The following LMBR1 variants were observed in gnomAD, a reference collection of about 807,000 sequenced individuals.
LMBR1 encodes limb development membrane protein 1, also known as limb region 1 protein homolog.
A neutral mutation model predicts 73.9 loss-of-function variants in LMBR1; 52 were observed. The ratio of observed to expected loss-of-function variants is 0.70; its 90% CI spans 0.56 to 0.89. LMBR1 has a LOEUF of 0.89. Among genes scored for constraint, LMBR1 ranks in the 40% least tolerant of loss-of-function variants. The pLI is 0.00. For missense variants in LMBR1, 539 were observed against 579.8 expected (o/e 0.93, Z 0.72); for synonymous variants, 215 against 209.4 (o/e 1.03, Z -0.23).
intron 1 of LMBR1, among the ~76,000 whole-genome samples, chr7:156,870,089 G>A (rs1799049180): frequency 6.6e-6 from 1 of 152,004 alleles, no homozygotes; most frequent in Admixed American, 6.6e-5. Flanking sequence ...AGAACTAAAG[G>A]GAGAAATAAA....
At chr7:156,763,531 TTTC>T in intron 6 of LMBR1, 135 bp downstream of exon 6, 2 of 658,568 alleles carry the variant, frequency 3.0e-6, no homozygotes, top group Middle Eastern at 6.4e-4. Context: ...TATCTAAAGA[TTTC>T]TTAATTCTGT....
At chr7:156,731,819 G>C (rs1302324600) in intron 10 of LMBR1, among the ~76,000 whole-genome samples, 1 of 151,854 alleles carries the variant, frequency 6.6e-6, no homozygotes, top group South Asian at 2.1e-4. Flanking sequence ...CTCATGCCCA[G>C]CAGGAATGCA....
intron 1 of LMBR1, among the ~76,000 whole-genome samples, chr7:156,875,876 C>A (rs1239215263): frequency 6.7e-6 from 1 of 149,398 alleles, no homozygotes; most frequent in Admixed American, 6.8e-5. Flanking sequence ...AAGCATAATT[C>A]TCACAGGGCA....
At chr7:156,775,104 A>T (rs1423766633) in intron 5 of LMBR1, among the ~76,000 whole-genome samples, 1 of 152,182 alleles carries the variant, frequency 6.6e-6, no homozygotes, top group Non-Finnish European at 1.5e-5. Flanking sequence ...ACGGTGGCTC[A>T]CGCCTGTAAT....
chr7:156,853,566 A>T (rs1796538276), intron 1 of LMBR1, among the ~76,000 whole-genome samples: 2 of 152,246 alleles, frequency 1.3e-5, no homozygotes, highest in African/African-American at 4.8e-5. Context: ...TCTGGATTAA[A>T]TCTATGCAGA....
At position 156,683,979 on chromosome 7, in the gene LMBR1, G is replaced by C; in HGVS notation, c.*99C>G. 1 of 954,112 alleles carries C rather than the reference G, an allele frequency of 1.0e-6. No homozygotes were observed. The highest frequency in any genetic ancestry group is 2.4e-5 in the East Asian group (1 of 41,664). 59.1% of individuals were successfully genotyped at this position (954,112 alleles called of 1,614,324 possible). On this transcript the variant is annotated 3_prime_UTR_variant, in exon 17 of 17. Transcript: ENST00000353442. The stretch of plus-strand genomic sequence containing the variant: ...CACTGATAGGTCTAGGTTCTGAAGA[G>C]GGGCCACGGTTGAATGGAAATGCTT...
At position 156,681,427 on chromosome 7, in the gene LMBR1, C is replaced by T. The variant is rs1439044062; in HGVS notation, c.*2651G>A. 1.2e-5 allele frequency: 2 copies of T among 165,942 alleles called. No individual in the cohort carries two copies. The highest frequency in any genetic ancestry group is 2.4e-5 in the African/African-American group (1 of 41,634). The allele number at this position is 165,942 out of a possible 1,614,324, so 10.3% of individuals were successfully genotyped here. On this transcript the variant is annotated 3_prime_UTR_variant, in exon 17 of 17. Transcript: ENST00000353442. ...CCTCATATTTAGAGGTCTATTTTTACAGAGAATGTACATAAAGCTACGTAA... is the reference window on the plus strand; with the variant it reads ...CCTCATATTTAGAGGTCTATTTTTATAGAGAATGTACATAAAGCTACGTAA...
intron 15 of LMBR1, among the ~76,000 whole-genome samples, chr7:156,700,710 C>G (rs1809489276): frequency 6.6e-6 from 1 of 152,126 alleles, no homozygotes; most frequent in Non-Finnish European, 1.5e-5. Context: ...CCATATTTTC[C>G]TTTCTTCTTC....
intron 1 of LMBR1, among the ~76,000 whole-genome samples, chr7:156,891,476 T>C (rs1293296343): frequency 6.6e-6 from 1 of 151,788 alleles, no homozygotes; most frequent in Non-Finnish European, 1.5e-5. Context: ...AAGATTCCAT[T>C]TACATAAAGT....
chr7:156,775,304 G>T (rs1585711666), intron 5 of LMBR1, among the ~76,000 whole-genome samples: 1 of 152,134 alleles, frequency 6.6e-6, no homozygotes, highest in African/African-American at 2.4e-5. Flanking sequence ...GGAGGAGGAG[G>T]TTGCAGTGAG....
At chr7:156,890,901 T>G (rs1413981945) in intron 1 of LMBR1, among the ~76,000 whole-genome samples, 1 of 152,006 alleles carries the variant, frequency 6.6e-6, no homozygotes, top group African/African-American at 2.4e-5. Context: ...TACAAAAAGT[T>G]CATAGCCAGC....
At chr7:156,674,160 A>G (rs1189765859), downstream of LMBR1, among the ~76,000 whole-genome samples, 1 of 152,202 alleles carries the variant, frequency 6.6e-6, no homozygotes, top group African/African-American at 2.4e-5. Flanking sequence ...TGAAAGCCAG[A>G]GCTTCGGTCT....
rs1238793102 is a variant in LMBR1, at chr7:156,892,839, A to G, written c.66+89T>C. 2.1e-4 allele frequency: 172 copies of G among 814,054 alleles called. No individual in the cohort carries two copies. In the African/African-American group the frequency reaches 5.2e-3, roughly 24 times the overall value. The allele number at this position is 814,054 out of a possible 1,614,324, so 50.4% of individuals were successfully genotyped here. Reference sequence around the variant, plus strand: ...AGGCGCGAGGCGAGGCCCGGAGGTGAGGGGTCCGGGGACCGGGGGCCCGGG... The same window carrying G: ...AGGCGCGAGGCGAGGCCCGGAGGTGGGGGGTCCGGGGACCGGGGGCCCGGG... On this transcript the variant is annotated intron_variant, in intron 1 of 16. Transcript: ENST00000353442.
Position 156,685,351 on chromosome 7 carries a change from G to A in LMBR1, c.1388-1188C>T, listed in dbSNP as rs1805778132. Among the ~76,000 whole-genome samples the A allele has an allele frequency of 1.3e-5, 2 of 152,210 alleles. No homozygotes were observed. Among genetic ancestry groups the A allele is most frequent in the South Asian group, 4.1e-4 (2 of 4,832 alleles). On this transcript the variant is annotated intron_variant, in intron 16 of 16. Transcript: ENST00000353442. This position sits in a 1 kb window ranked among gnomAD's most constrained non-coding sequence, Gnocchi z 4.1. ...ACAATGACATACAGCAACACAGTCA[G>A]GTGTTGCCGAACAACAGGAATGCAT...
intron 15 of LMBR1, among the ~76,000 whole-genome samples, chr7:156,695,713 T>C (rs900488563): frequency 9.9e-5 from 15 of 152,142 alleles, no homozygotes; most frequent in African/African-American, 3.6e-4. Context: ...ACATGAGATC[T>C]GGGTGAGGAC....
chr7:156,682,619 G>A lies in LMBR1; in HGVS notation c.*1459C>T, dbSNP rs1585167848. Reference sequence around the variant, plus strand: ...GAAGGAAATGCAGACGTATAAATAAGGGGGAAGTGTACTCAACAAAGGTTG... The same window carrying A: ...GAAGGAAATGCAGACGTATAAATAAAGGGGAAGTGTACTCAACAAAGGTTG... On this transcript the variant is annotated 3_prime_UTR_variant, in exon 17 of 17. Transcript: ENST00000353442. 1 of 152,180 alleles carries A rather than the reference G, an allele frequency of 6.6e-6. No individual in the cohort carries two copies. Among genetic ancestry groups the A allele is most frequent in the Non-Finnish European group, 1.5e-5 (1 of 68,020 alleles). The allele number at this position is 152,180 out of a possible 1,614,324, so 9.4% of individuals were successfully genotyped here.
Position 156,670,126 on chromosome 7 carries a change from C to T in LMBR1, n.867-839G>A, listed in dbSNP as rs1236206985. Among the ~76,000 whole-genome samples the T allele has an allele frequency of 2.6e-5, 4 of 152,130 alleles. No individual in the cohort carries two copies. The highest frequency in any genetic ancestry group is 6.5e-5 in the Admixed American group (1 of 15,284). ...ACAGTGCATCTTTACACCAGAATGTCAGTTTTAAGTGCAAATATTAGAGCA... is the reference window on the plus strand; with the variant it reads ...ACAGTGCATCTTTACACCAGAATGTTAGTTTTAAGTGCAAATATTAGAGCA... On this transcript the variant is annotated intron_variant and non_coding_transcript_variant, in intron 4 of 4. Coordinates refer to the LMBR1 transcript ENST00000430825. The surrounding 1 kb of genome is among the most constrained non-coding windows in gnomAD (Gnocchi z 4.3).
intron 2 of LMBR1, chr7:156,834,709 TA>T (rs1316565962): frequency 6.4e-6 from 1 of 156,488 alleles, no homozygotes; most frequent in Non-Finnish European, 1.4e-5. Flanking sequence ...TATTTAAAAT[TA>T]TATTATATAT....
At chr7:156,674,665 T>C (rs959735351), downstream of LMBR1, among the ~76,000 whole-genome samples, 1 of 152,110 alleles carries the variant, frequency 6.6e-6, no homozygotes, top group Non-Finnish European at 1.5e-5. Context: ...CAGAGCGAGA[T>C]GCTGTCTCCA....
Sources: allele counts gnomAD v4.1 joint callset (sites outside exome capture counted in the v4.1 genomes callset), GRCh38; gene constraint gnomAD v4.1.1; non-coding constraint Gnocchi (gnomAD v3.1); transcripts MANE v1.5; gene names NCBI Gene and HGNC (gene_info 2026-07-23, HGNC 2026-07-21).